ABCA4: variants seen among roughly 807,000 people sequenced by gnomAD.
ABCA4 encodes ATP binding cassette subfamily A member 4.
In ABCA4, 196 loss-of-function variants were observed where a neutral mutation model predicts 263.7. That is an observed-to-expected ratio of 0.74 (90% CI 0.66 to 0.84). The LOEUF is 0.84. Ranked by LOEUF, ABCA4 falls within the 40% of genes least tolerant of loss-of-function variation. The pLI is 0.00. For synonymous variants in ABCA4, 1,133 were observed against 1,094.2 expected, an observed-to-expected ratio of 1.04 and a Z score of -0.70; for missense variants, 2,792 against 2,855.1, an observed-to-expected ratio of 0.98 and a Z score of 0.50.
intron 5 of ABCA4, among the ~76,000 whole-genome samples, chr1:94,101,661 G>A (rs535324213): frequency 7.9e-5 from 12 of 152,324 alleles, no homozygotes; most frequent in African/African-American, 1.9e-4. Flanking sequence ...TTTATGTCTC[G>A]TTCTCTCCTG....
At chr1:94,117,024 T>C (rs1662804719) in intron 1 of ABCA4, among the ~76,000 whole-genome samples, 1 of 142,768 alleles carries the variant, frequency 7.0e-6, no homozygotes, top group African/African-American at 2.7e-5. Context: ...CTTTCTTTCT[T>C]TCCTTTTCTT....
At chr1:93,998,543 T>C in intron 47 of ABCA4, among the ~76,000 whole-genome samples, 1 of 151,808 alleles carries the variant, frequency 6.6e-6, no homozygotes, top group East Asian at 1.9e-4. Flanking sequence ...ATACTGGGGA[T>C]TAAAGGCCCA....
Position 94,022,874 on chromosome 1 carries a change from G to A in ABCA4, c.4667+512C>T, listed in dbSNP as rs771298235. The stretch of plus-strand genomic sequence containing the variant: ...AGGAAAGCACATACATGTCAGCCCC[G>A]CACCTGTTCTGGAGGTGCAGTTCCT... On this transcript the variant is annotated intron_variant, in intron 32 of 49. Coordinates refer to ENST00000370225, the MANE Select transcript of ABCA4 (RefSeq NM_000350.3). 7.2e-5 allele frequency among the ~76,000 whole-genome samples: 11 copies of A among 152,278 alleles called. No individual in the cohort carries two copies. The South Asian group carries it at 1.4e-3, about 20-fold the overall frequency.
chr1:94,050,441 T>G (rs964996423), intron 17 of ABCA4, among the ~76,000 whole-genome samples: 2 of 152,222 alleles, frequency 1.3e-5, no homozygotes, highest in African/African-American at 4.8e-5. Flanking sequence ...TCAGCTCTTT[T>G]CTGGTTTTAG....
chr1:94,003,021 T>C (rs756312647), intron 44 of ABCA4, among the ~76,000 whole-genome samples: 1 of 152,198 alleles, frequency 6.6e-6, no homozygotes, highest in African/African-American at 2.4e-5. Context: ...TTGTGACCCA[T>C]TTGAGGGTAA....
chr1:94,053,761 T>A (rs1440460427), intron 16 of ABCA4, among the ~76,000 whole-genome samples: 1 of 152,246 alleles, frequency 6.6e-6, no homozygotes, highest in East Asian at 1.9e-4. Context: ...GGCTGTTGTC[T>A]AAGCTGCCCA....
intron 4 of ABCA4, among the ~76,000 whole-genome samples, chr1:94,107,144 C>T (rs189756792): frequency 6.6e-6 from 1 of 152,306 alleles, no homozygotes; most frequent in Non-Finnish European, 1.5e-5. Context: ...TCTCCCATTC[C>T]CCTGGTAGAC....
At chr1:94,007,444 A>G (rs1328763418) in intron 43 of ABCA4, among the ~76,000 whole-genome samples, 190 bp downstream of exon 43, 1 of 151,192 alleles carries the variant, frequency 6.6e-6, no homozygotes, top group Admixed American at 6.6e-5. Context: ...AACTATCACA[A>G]TTCAGTTCAC....
Position 94,021,363 on chromosome 1 carries a change from T to C in ABCA4, c.4895A>G (p.Asn1632Ser), listed in dbSNP as rs745413308. 3 of 1,614,182 alleles carry C rather than the reference T, an allele frequency of 1.9e-6. No homozygotes were observed. The South Asian group carries it at 3.3e-5, about 18-fold the overall frequency. Residue 1632 changes from asparagine (N) to serine (S), a missense_variant, in exon 35 of 50, where the codon AAT becomes AGT. Coordinates refer to ENST00000370225, the MANE Select transcript of ABCA4 (RefSeq NM_000350.3). ...KGWHALVSFL[N>S]VAHNAILRAS... is the part of the protein sequence containing the mutation. ...CCGTAAGATGGCGTTGTGGGCCACA[T>C]TGAGAAAGCTGACCAGGGCATGCCA...
intron 11 of ABCA4, among the ~76,000 whole-genome samples, chr1:94,065,268 C>T (rs1391503252): frequency 6.6e-6 from 1 of 152,172 alleles, no homozygotes; most frequent in African/African-American, 2.4e-5. Context: ...TACTACTTAT[C>T]CTCACTTGGC....
intron 6 of ABCA4, among the ~76,000 whole-genome samples, chr1:94,087,776 A>G (rs1468875915): frequency 6.6e-6 from 1 of 152,188 alleles, no homozygotes; most frequent in Non-Finnish European, 1.5e-5. Flanking sequence ...TTTCTAAATG[A>G]TAAAATCCCA....
At chr1:94,111,906 G>A (rs3789438) in intron 2 of ABCA4, among the ~76,000 whole-genome samples, 1 of 152,104 alleles carries the variant, frequency 6.6e-6, no homozygotes, top group Admixed American at 6.5e-5. Flanking sequence ...AAGACTCCAC[G>A]CAGTTGCTGC....
In ABCA4 at chr1:94,044,731, C is replaced by G; in HGVS notation, c.2932G>C (p.Gly978Arg). Residue 978 changes from glycine (G) to arginine (R), a missense_variant, in exon 20 of 50, where the codon GGT becomes CGT. Transcript: ENST00000370225. The part of the protein sequence containing the change: ...GKTTTLSILT[G>R]LLPPTSGTVL... ...GTCCCAGAGGTTGGTGGCAACAGAC[C>G]CGTCAGGATGGACCTGCAGAACACA... The G allele has an allele frequency of 6.2e-7, 1 of 1,614,200 alleles. No individual in the cohort carries two copies. Among genetic ancestry groups the G allele is most frequent in the South Asian group, 1.1e-5 (1 of 91,076 alleles).
Position 93,997,915 on chromosome 1 carries a change from G to C in ABCA4, c.6675C>G (p.His2225Gln). 6.2e-7 allele frequency: 1 copy of C among 1,614,106 alleles called. No homozygotes were observed. Among genetic ancestry groups the C allele is most frequent in the Non-Finnish European group, 8.5e-7 (1 of 1,179,972 alleles). Residue 2225 changes from histidine (H) to glutamine (Q), a missense_variant, in exon 48 of 50, where the codon CAC (histidine) becomes CAG (glutamine). Transcript: ENST00000370225. ...ACTCCTCGATGAGCAGGCTGTCCTT[G>C]TGGGAGAGGAGGAGCTGGAAGATCC... ...LARIFQLLLSHKDSLLIEEYS... is the reference protein window; with the variant it reads ...LARIFQLLLSQKDSLLIEEYS...
At chr1:94,080,976 G>C (rs1339789734) in intron 7 of ABCA4, among the ~76,000 whole-genome samples, 1 of 152,172 alleles carries the variant, frequency 6.6e-6, no homozygotes, top group African/African-American at 2.4e-5. Context: ...TGTAATCCTA[G>C]CACTTTGGGA....
chr1:94,022,849 A>G (rs1242173845), intron 32 of ABCA4, among the ~76,000 whole-genome samples: 3 of 152,174 alleles, frequency 2.0e-5, no homozygotes, highest in Admixed American at 6.5e-5. Flanking sequence ...GAATCTGCCC[A>G]GGAAAGCACA....
chr1:94,063,441 A>G, intron 11 of ABCA4, 124 bp from the exon 12 acceptor site: 2 of 937,786 alleles, frequency 2.1e-6, no homozygotes, highest in East Asian at 4.9e-5. Context: ...AAGGAGGCCT[A>G]TAAACTTAAT....
At chr1:94,046,780 A>C (rs1243293614) in intron 19 of ABCA4, 139 bp downstream of exon 19, 1 of 1,031,942 alleles carries the variant, frequency 9.7e-7, no homozygotes, top group Non-Finnish European at 1.5e-6. Context: ...ATACTGCAGA[A>C]AGCTTTTACA....
At position 94,085,249 on chromosome 1, in the gene ABCA4, G is replaced by C. The variant is rs115685474; in HGVS notation, c.769-1808C>G. Among the ~76,000 whole-genome samples, 598 of 152,280 alleles carry C rather than the reference G, an allele frequency of 3.9e-3. 1 individual carries two copies. The highest frequency in any genetic ancestry group is 0.013 in the African/African-American group (554 of 41,570). ...CTTCAAAAAAACTTCAGGAAAAAAA[G>C]GTGGAGAACAGTTAAAACAAGAACA... On this transcript the variant is annotated intron_variant, in intron 6 of 49. Coordinates refer to ENST00000370225, the MANE Select transcript of ABCA4 (RefSeq NM_000350.3).
Sources: gnomAD v4.1 joint callset for allele counts (sites outside exome capture counted in the v4.1 genomes callset) on GRCh38, gnomAD v4.1.1 for gene constraint, MANE v1.5 for transcripts, NCBI Gene and HGNC (gene_info 2026-07-23, HGNC 2026-07-21) for gene names.